CLTC: variants seen among roughly 807,000 people sequenced by gnomAD.
The protein encoded by CLTC is clathrin heavy chain.
Under a neutral mutation model 195.8 loss-of-function variants are expected in CLTC, and 16 were observed. The observed-to-expected ratio is 0.08, with a 90% CI of 0.06 to 0.12. CLTC has a LOEUF of 0.12. Among genes scored for constraint, CLTC ranks in the 10% least tolerant of loss-of-function variants. The pLI, the probability that CLTC is intolerant of heterozygous loss-of-function variation, is 1.00. For synonymous variants in CLTC, 667 were observed against 689.4 expected (o/e 0.97, Z 0.51); for missense variants, 796 against 2,027.0 (o/e 0.39, Z 11.66).
rs934544923 is a variant in CLTC, at chr17:59,696,129, A to G, written c.*2277A>G. 3 of 216,532 alleles carry G rather than the reference A, an allele frequency of 1.4e-5. No homozygotes were observed. The highest frequency in any genetic ancestry group is 6.7e-5 in the African/African-American group (3 of 44,468). 13.4% of individuals were successfully genotyped at this position (216,532 alleles called of 1,614,324 possible). ...AACCTCAGAAATTACCTGAGCCAGA[A>G]TCATGCACTTAGCACTGAGTTCAAC... On this transcript the variant is annotated 3_prime_UTR_variant, in exon 32 of 32. Transcript: ENST00000269122.
At chr17:59,655,702 A>G (rs2032450127) in intron 5 of CLTC, 152 bp from the exon 6 acceptor site, 4 of 561,532 alleles carry the variant, frequency 7.1e-6, no homozygotes, top group Non-Finnish European at 1.2e-5. Flanking sequence ...GTGCTGTAGA[A>G]ATGAAGGAAA....
intron 14 of CLTC, among the ~76,000 whole-genome samples, 197 bp downstream of exon 14, chr17:59,669,137 ATGACCATCT>A (rs1191825651): frequency 6.6e-6 from 1 of 152,208 alleles, no homozygotes. Flanking sequence ...GTGAGTAAGA[ATGACCATCT>A]GTTTAAAAGA....
chr17:59,675,673 A>G (rs1319111792), intron 16 of CLTC, among the ~76,000 whole-genome samples: 4 of 152,012 alleles, frequency 2.6e-5, no homozygotes, highest in Admixed American at 6.5e-5. Flanking sequence ...TGTCATAACA[A>G]TTTAACATTT....
In CLTC at chr17:59,683,683, T is replaced by C; in HGVS notation, c.4250T>C (p.Leu1417Pro). The change falls in exon 27 of 32, where the codon CTG (leucine) becomes CCG (proline). Residue 1417 changes from leucine (L) to proline (P), a missense_variant. Coordinates refer to ENST00000269122, the MANE Select transcript of CLTC (RefSeq NM_004859.4). The surrounding 1 kb of genome is among the most constrained non-coding windows in gnomAD (Gnocchi z 6.1). The part of the protein sequence containing the change: ...AIQFYLEFKP[L>P]LLNDLLMVLS... The stretch of plus-strand genomic sequence containing the variant: ...CAGTTCTACTTAGAATTCAAGCCTC[T>C]GTTGTTAAATGATTTGCTGATGGTG... The C allele has an allele frequency of 6.2e-7, 1 of 1,614,208 alleles. No individual in the cohort carries two copies. Among genetic ancestry groups the C allele is most frequent in the Non-Finnish European group, 8.5e-7 (1 of 1,180,036 alleles).
At chr17:59,675,681 TTTAATAAGAGGTTCAGTTGA>T (rs2032950091) in intron 16 of CLTC, among the ~76,000 whole-genome samples, 1 of 152,196 alleles carries the variant, frequency 6.6e-6, no homozygotes, top group African/African-American at 2.4e-5. Context: ...CAATTTAACA[TTTAATAAGAGGTTCAGTTGA>T]GTCTGAACCT....
intron 1 of CLTC, among the ~76,000 whole-genome samples, chr17:59,642,371 G>A (rs1012050844): frequency 3.3e-5 from 5 of 152,184 alleles, no homozygotes; most frequent in African/African-American, 1.2e-4. Flanking sequence ...GAAACTCAGT[G>A]CCTTAGATGA....
Position 59,629,750 on chromosome 17 carries a change from AC to A in CLTC, c.42+9579del, listed in dbSNP as rs2031657595. ...TGTCCAGGTTGGTGTTGAACTCCTGACCTTGTGATCCGCCTGCTTTGGCCTC... is the reference window on the plus strand; with the variant it reads ...TGTCCAGGTTGGTGTTGAACTCCTGACTTGTGATCCGCCTGCTTTGGCCTC... On this transcript the variant is annotated intron_variant, in intron 1 of 31. Coordinates refer to ENST00000269122, the MANE Select transcript of CLTC (RefSeq NM_004859.4). Among the ~76,000 whole-genome samples, 6 of 152,100 alleles carry A rather than the reference AC, an allele frequency of 3.9e-5. No homozygotes were observed. The South Asian group carries it at 1.2e-3, about 32-fold the overall frequency.
Position 59,651,227 on chromosome 17 carries a change from C to T in CLTC, c.706C>T (p.Pro236Ser). ...GTTACATATTATTGAAGTTGGCACA[C>T]CACCTACAGGGAACCAGCCCTTTCC... is the stretch of plus-strand genomic sequence containing the variant. ...GKLHIIEVGT[P>S]PTGNQPFPKK... The change falls in exon 5 of 32, where the codon CCA (proline) becomes TCA (serine). Residue 236 changes from proline (P) to serine (S), a missense_variant. By Grantham distance (74) the Pro-to-Ser change is moderately conservative. Coordinates refer to ENST00000269122, the MANE Select transcript of CLTC (RefSeq NM_004859.4). 1 of 1,612,534 alleles carries T rather than the reference C, an allele frequency of 6.2e-7. No homozygotes were observed. The highest frequency in any genetic ancestry group is 8.5e-7 in the Non-Finnish European group (1 of 1,178,806).
intron 1 of CLTC, among the ~76,000 whole-genome samples, chr17:59,636,981 C>G (rs1442496586): frequency 6.8e-6 from 1 of 146,078 alleles, no homozygotes; most frequent in Non-Finnish European, 1.5e-5. Context: ...GGGGTTTTGC[C>G]ATGTTGGCCA....
Position 59,685,019 on chromosome 17 carries a change from T to A in CLTC, c.4435-37T>A, listed in dbSNP as rs780410891. ...GAACGGAATATAATGTTAAACAAAA[T>A]ACTGATCTGGCATTTGGATGGCTTT... is the stretch of plus-strand genomic sequence containing the variant. On this transcript the variant is annotated intron_variant, in intron 28 of 31. Coordinates refer to ENST00000269122, the MANE Select transcript of CLTC (RefSeq NM_004859.4). The surrounding 1 kb of genome is among the most constrained non-coding windows in gnomAD (Gnocchi z 5.0). The A allele has an allele frequency of 7.8e-5, 114 of 1,465,214 alleles. No homozygotes were observed. Among genetic ancestry groups the A allele is most frequent in the South Asian group, 1.0e-4 (7 of 69,422 alleles). 90.8% of individuals were successfully genotyped at this position (1,465,214 alleles called of 1,614,324 possible).
intron 1 of CLTC, among the ~76,000 whole-genome samples, chr17:59,637,533 C>A (rs1405012548): frequency 1.4e-5 from 2 of 143,540 alleles, no homozygotes; most frequent in Admixed American, 7.1e-5. Flanking sequence ...CATGAGCCAC[C>A]GTGCCCAGCC....
At position 59,681,775 on chromosome 17, in the gene CLTC, T is replaced by C; in HGVS notation, c.3378T>C (p.Asp1126=). 6.2e-7 allele frequency: 1 copy of C among 1,614,096 alleles called. No homozygotes were observed. Residue 1126 remains aspartate, a synonymous_variant, in exon 21 of 32, where the codon GAT becomes GAC. Transcript: ENST00000269122. The surrounding 1 kb of genome is among the most constrained non-coding windows in gnomAD (Gnocchi z 5.0). ...LQKGMVKEAI[D]SYIKADDPSS... ...AAGGAATGGTGAAAGAAGCCATTGA[T>C]TCTTATATCAAAGCAGATGATCCTT...
intron 16 of CLTC, among the ~76,000 whole-genome samples, chr17:59,676,620 A>G (rs960889793): frequency 6.6e-6 from 1 of 152,180 alleles, no homozygotes; most frequent in African/African-American, 2.4e-5. Context: ...GGACAACTCA[A>G]TCATATTTTG....
Position 59,644,285 on chromosome 17 carries a change from C to G in CLTC, c.52C>G (p.Leu18Val). ...TTATTATTTTTTCTAGCTCCAGAACCTGGGTATCAACCCAGCAAACATTGG... is the reference window on the plus strand; with the variant it reads ...TTATTATTTTTTCTAGCTCCAGAACGTGGGTATCAACCCAGCAAACATTGG... Reference protein sequence around the residue: ...RFQEHLQLQNLGINPANIGFS... With the variant: ...RFQEHLQLQNVGINPANIGFS... The change falls in exon 2 of 32, where the codon CTG becomes GTG. Residue 18 changes from leucine (L) to valine (V), a missense_variant. Coordinates refer to ENST00000269122, the MANE Select transcript of CLTC (RefSeq NM_004859.4). 1.2e-6 allele frequency: 2 copies of G among 1,613,652 alleles called. No homozygotes were observed. The highest frequency in any genetic ancestry group is 1.7e-6 in the Non-Finnish European group (2 of 1,179,854).
intron 16 of CLTC, among the ~76,000 whole-genome samples, chr17:59,676,709 T>C (rs1490356686): frequency 1.3e-5 from 2 of 152,162 alleles, no homozygotes; most frequent in Non-Finnish European, 2.9e-5. Flanking sequence ...CTTGCACCTA[T>C]AGTACCAGCT....
intron 1 of CLTC, among the ~76,000 whole-genome samples, chr17:59,640,175 A>G (rs1383745621): frequency 6.6e-6 from 1 of 152,214 alleles, no homozygotes; most frequent in Non-Finnish European, 1.5e-5. Context: ...CTGTAAGGGT[A>G]TACCTAAACC....
chr17:59,645,052 T>A (rs952225511), intron 2 of CLTC, among the ~76,000 whole-genome samples: 3 of 152,206 alleles, frequency 2.0e-5, no homozygotes, highest in African/African-American at 7.2e-5. Flanking sequence ...ATAAATGCAT[T>A]TAAATTTTGT....
At chr17:59,640,788 G>A (rs1327749497) in intron 1 of CLTC, among the ~76,000 whole-genome samples, 1 of 151,984 alleles carries the variant, frequency 6.6e-6, no homozygotes, top group African/African-American at 2.4e-5. Context: ...CACCACTTAA[G>A]TGTGCTTTTT....
chr17:59,672,442 G>T (rs957145250), intron 14 of CLTC, among the ~76,000 whole-genome samples: 3 of 59,748 alleles, frequency 5.0e-5, no homozygotes, highest in African/African-American at 1.2e-4. Context: ...CTAGTGTGTT[G>T]ATCCATACTT....
Sources: gnomAD v4.1 joint callset for allele counts (sites outside exome capture counted in the v4.1 genomes callset) on GRCh38, gnomAD v4.1.1 for gene constraint, Gnocchi (gnomAD v3.1) non-coding constraint, MANE v1.5 for transcripts, NCBI Gene and HGNC (gene_info 2026-07-23, HGNC 2026-07-21) for gene names.